Variants in CAMTA1 observed in about 807,000 individuals in gnomAD.
CAMTA1 encodes calmodulin-binding transcription activator 1.
CAMTA1 carries 27 observed loss-of-function variants against 170.9 expected under a neutral mutation model. That is an observed-to-expected ratio of 0.16 (90% CI 0.12 to 0.22). The LOEUF (loss-of-function observed/expected upper bound fraction) is 0.22, where lower values mean the gene tolerates loss of function less well. Among genes scored for constraint, CAMTA1 ranks in the 10% least tolerant of loss-of-function variants. The pLI, the probability that CAMTA1 is intolerant of heterozygous loss-of-function variation, is 1.00. For synonymous variants in CAMTA1, 833 were observed against 891.5 expected (o/e 0.93, Z 1.17); for missense variants, 1,619 against 2,217.2 (o/e 0.73, Z 5.42).
intron 4 of CAMTA1, among the ~76,000 whole-genome samples, chr1:7,227,730 G>C (rs1041685841): frequency 2.0e-5 from 3 of 152,194 alleles, no homozygotes; most frequent in Non-Finnish European, 4.4e-5. Flanking sequence ...TTTATGACAA[G>C]GGGCATCCTG....
chr1:7,548,039 C>A (rs2094724095), intron 6 of CAMTA1, among the ~76,000 whole-genome samples: 1 of 152,216 alleles, frequency 6.6e-6, no homozygotes, highest in South Asian at 2.1e-4. Context: ...CTGGCCCCGA[C>A]TTAAGATGGT....
chr1:7,225,441 A>G (rs761457986), intron 4 of CAMTA1, among the ~76,000 whole-genome samples: 7 of 152,132 alleles, frequency 4.6e-5, no homozygotes, highest in Non-Finnish European at 1.0e-4. Flanking sequence ...CCTCCCCACC[A>G]ACAATATCCT....
chr1:7,537,383 G>C (rs1358494010), intron 6 of CAMTA1, among the ~76,000 whole-genome samples: 1 of 152,196 alleles, frequency 6.6e-6, no homozygotes, highest in South Asian at 2.1e-4. Context: ...CAGCAGCCAG[G>C]TGCAGCCCCA....
chr1:7,480,113 GTGTGTGTGTGAGTA>G (rs1296401000), intron 6 of CAMTA1, among the ~76,000 whole-genome samples: 2 of 150,960 alleles, frequency 1.3e-5, no homozygotes, highest in Non-Finnish European at 1.5e-5. Context: ...GAGAGCGTGT[GTGTGTGTGTGAGTA>G]TGTGTGTGTG....
chr1:7,365,834 C>T (rs111495708), intron 5 of CAMTA1, among the ~76,000 whole-genome samples: 1 of 152,170 alleles, frequency 6.6e-6, no homozygotes, highest in Non-Finnish European at 1.5e-5. Flanking sequence ...CTGGTTCCAC[C>T]CAGAGCAATA....
intron 4 of CAMTA1, among the ~76,000 whole-genome samples, chr1:7,117,848 C>T (rs1340358845): frequency 2.0e-5 from 3 of 152,330 alleles, no homozygotes; most frequent in East Asian, 1.9e-4. Flanking sequence ...AGCCAATTCC[C>T]GTTCTGCTGT....
chr1:7,310,647 T>TCTTTTCTTTCTTTC (rs61161982), intron 5 of CAMTA1, among the ~76,000 whole-genome samples: 5 of 49,148 alleles, frequency 1.0e-4, no homozygotes, highest in African/African-American at 4.0e-4. Context: ...TTTCTTTCTT[T>TCTTTTCTTTCTTTC]TTTCTTTCTT....
chr1:7,706,511 A>G (rs2149592941), intron 11 of CAMTA1, among the ~76,000 whole-genome samples: 1 of 152,368 alleles, frequency 6.6e-6, no homozygotes. Context: ...TGCATTATGC[A>G]GAAGCACTTT....
rs138554604 is a variant in CAMTA1, at chr1:7,734,132, A to G, written c.3066+1533A>G. 4.1e-3 allele frequency among the ~76,000 whole-genome samples: 626 copies of G among 152,268 alleles called. 6 individuals carry two copies. The highest frequency in any genetic ancestry group is 0.014 in the African/African-American group (593 of 41,560). On this transcript the variant is annotated intron_variant, in intron 12 of 22. Coordinates refer to ENST00000303635, the MANE Select transcript of CAMTA1 (RefSeq NM_015215.4). ...CTGGCTAATTTTGTATTTTTAGTAG[A>G]GACGGGGTTTCCCCACCTTGGTCAG...
At chr1:7,478,107 GC>G (rs2093451308) in intron 6 of CAMTA1, among the ~76,000 whole-genome samples, 1 of 152,218 alleles carries the variant, frequency 6.6e-6, no homozygotes, top group Admixed American at 6.5e-5. Flanking sequence ...GGACTCGGCA[GC>G]CCCCTGGGAA....
chr1:7,411,266 G>A (rs2090718653), intron 5 of CAMTA1, among the ~76,000 whole-genome samples: 1 of 152,160 alleles, frequency 6.6e-6, no homozygotes, highest in African/African-American at 2.4e-5. Flanking sequence ...GGCATGAGCA[G>A]GGGTCCCCCT....
chr1:7,430,336 C>T (rs1575280494), intron 5 of CAMTA1, among the ~76,000 whole-genome samples: 1 of 151,146 alleles, frequency 6.6e-6, no homozygotes, highest in East Asian at 2.0e-4. Flanking sequence ...GTGGTGATGA[C>T]AGCAATCACA....
chr1:6,853,134 A>G (rs568419295), intron 3 of CAMTA1: 1 of 152,410 alleles, frequency 6.6e-6, no homozygotes, highest in Admixed American at 6.5e-5. Flanking sequence ...ATGATCCTGC[A>G]TGGCAGCTTT....
intron 5 of CAMTA1, among the ~76,000 whole-genome samples, chr1:7,318,023 A>G (rs1189344672): frequency 6.6e-6 from 1 of 152,086 alleles, no homozygotes; most frequent in Non-Finnish European, 1.5e-5. Context: ...GCCTGGGGAA[A>G]TGGGCAGGTA....
In CAMTA1 at chr1:7,769,226, A is replaced by G. The variant is rs41454244; in HGVS notation, c.*2735A>G. On this transcript the variant is annotated 3_prime_UTR_variant, in exon 23 of 23. Coordinates refer to ENST00000303635, the MANE Select transcript of CAMTA1 (RefSeq NM_015215.4). ...TCTGACCGCTTTTTCTTGGTTATGA[A>G]TCTTAATTTCGAATATAAGATGATA... The G allele has an allele frequency of 0.077, 11,817 of 152,852 alleles. 524 individuals are homozygous for G. Among genetic ancestry groups the G allele is most frequent in the Middle Eastern group, 0.2 (60 of 294 alleles). 9.5% of individuals were successfully genotyped at this position (152,852 alleles called of 1,614,324 possible).
intron 5 of CAMTA1, among the ~76,000 whole-genome samples, chr1:7,276,291 A>ATTTTT (rs1257658481): frequency 0.056 from 2,832 of 50,662 alleles, 217 homozygotes; most frequent in Non-Finnish European, 0.072. Context: ...ATATATATAT[A>ATTTTT]TATATATATA....
At chr1:7,498,753 G>GAA (rs2093891112) in intron 6 of CAMTA1, among the ~76,000 whole-genome samples, 1 of 144,702 alleles carries the variant, frequency 6.9e-6, no homozygotes, top group African/African-American at 2.5e-5. Context: ...TGAGTGTGCA[G>GAA]AGGATTGTGT....
chr1:6,806,012 C>T (rs1380154756), intron 1 of CAMTA1, among the ~76,000 whole-genome samples: 2 of 152,020 alleles, frequency 1.3e-5, no homozygotes, highest in Non-Finnish European at 2.9e-5. Context: ...ATTTAGTTCT[C>T]TGATAGATCT....
chr1:6,994,015 G>A (rs143592858), intron 3 of CAMTA1, among the ~76,000 whole-genome samples: 2 of 152,174 alleles, frequency 1.3e-5, no homozygotes, highest in East Asian at 3.9e-4. Context: ...ACTAGGGAAT[G>A]TAATGTATAT....
Sources: gnomAD v4.1 joint callset for allele counts (sites outside exome capture counted in the v4.1 genomes callset) on GRCh38, gnomAD v4.1.1 for gene constraint, MANE v1.5 for transcripts, NCBI Gene and HGNC (gene_info 2026-07-23, HGNC 2026-07-21) for gene names.